Variants in TXK observed in about 807,000 individuals in gnomAD.
TXK encodes tyrosine-protein kinase TXK.
A neutral mutation model predicts 81.0 loss-of-function variants in TXK; 60 were observed. The ratio of observed to expected loss-of-function variants is 0.74; its 90% CI spans 0.60 to 0.92. The LOEUF (loss-of-function observed/expected upper bound fraction) is 0.92, where lower values mean the gene tolerates loss of function less well. Ranked by LOEUF, TXK falls within the 40% of genes least tolerant of loss-of-function variation. The probability of loss-of-function intolerance (pLI) is 0.00; values close to 1 mark genes in which losing one functional copy is unlikely to be tolerated. For missense variants in TXK, 581 were observed against 638.3 expected (o/e 0.91, Z 0.97); for synonymous variants, 203 against 210.7 (o/e 0.96, Z 0.32).
intron 9 of TXK, 81 bp from the exon 10 acceptor site, chr4:48,086,718 C>T: frequency 4.5e-6 from 6 of 1,338,336 alleles, no homozygotes; most frequent in Non-Finnish European, 2.1e-6. Flanking sequence ...TAGGAAGTAT[C>T]TATTATTTGA....
At chr4:48,120,565 A>G (rs1446121353) in intron 1 of TXK, among the ~76,000 whole-genome samples, 2 of 150,584 alleles carry the variant, frequency 1.3e-5, no homozygotes, top group Non-Finnish European at 2.9e-5. Flanking sequence ...ATCTTGGCTC[A>G]CTGCAATCTC....
intron 11 of TXK, among the ~76,000 whole-genome samples, chr4:48,078,253 T>C (rs1278997651): frequency 1.3e-5 from 2 of 152,166 alleles, no homozygotes; most frequent in Admixed American, 6.5e-5. Context: ...TAATTAACTA[T>C]TGGGTGAAGC....
In TXK at chr4:48,086,740, A is replaced by T. The variant is rs879821781; in HGVS notation, c.785-103T>A. 5 of 1,066,948 alleles carry T rather than the reference A, an allele frequency of 4.7e-6. No homozygotes were observed. The Admixed American group carries it at 7.2e-5, about 15-fold the overall frequency. 66.1% of individuals were successfully genotyped at this position (1,066,948 alleles called of 1,614,324 possible). ...TATCTATTATTTGACAGAGAGGTTA[A>T]AAAATGTATAAAGTGGAGAGGATAT... On this transcript the variant is annotated intron_variant, in intron 9 of 14. Transcript: ENST00000264316.
Position 48,067,547 on chromosome 4 carries a change from A to G in TXK, c.*90T>C, listed in dbSNP as rs527644351. Reference sequence around the variant, plus strand: ...AGAGTCAGCAACTCTGAAGAAAGATATTCACCATAAGTGACCCCATATGGT... The same window carrying G: ...AGAGTCAGCAACTCTGAAGAAAGATGTTCACCATAAGTGACCCCATATGGT... On this transcript the variant is annotated 3_prime_UTR_variant, in exon 15 of 15. Transcript: ENST00000264316. The G allele has an allele frequency of 7.7e-7, 1 of 1,300,224 alleles. No homozygotes were observed. The highest frequency in any genetic ancestry group is 1.2e-5 in the South Asian group (1 of 81,966). 80.5% of individuals were successfully genotyped at this position (1,300,224 alleles called of 1,614,324 possible). A position where few individuals can be genotyped will look rare whatever the true frequency, so the allele number is the denominator to read the frequency against.
chr4:48,102,458 A>G (rs955675514), intron 6 of TXK, among the ~76,000 whole-genome samples: 2 of 152,180 alleles, frequency 1.3e-5, no homozygotes, highest in Non-Finnish European at 2.9e-5. Context: ...TTCTCACCCA[A>G]TGAATTGAAA....
rs1280746354 is a variant in TXK at position 48,067,244 on chromosome 4, T to C, written c.*393A>G. 1 of 183,484 alleles carries C rather than the reference T, an allele frequency of 5.5e-6. No individual in the cohort carries two copies. Among genetic ancestry groups the C allele is most frequent in the African/African-American group, 2.4e-5 (1 of 42,236 alleles). The allele number at this position is 183,484 out of a possible 1,614,324, so 11.4% of individuals were successfully genotyped here. ...TGGAAGAATTTATTTTCATATTCTA[T>C]GCATGGATCACTGAAGTGATGAATG... On this transcript the variant is annotated 3_prime_UTR_variant, in exon 15 of 15. Coordinates refer to ENST00000264316, the MANE Select transcript of TXK (RefSeq NM_003328.3).
At chr4:48,118,565 A>G (rs1718873673) in intron 1 of TXK, among the ~76,000 whole-genome samples, 1 of 152,224 alleles carries the variant, frequency 6.6e-6, no homozygotes, top group African/African-American at 2.4e-5. Context: ...TGGATCACTT[A>G]ACTATTTGAT....
At chr4:48,113,375 G>A (rs774477647) in intron 2 of TXK, 66 bp from the exon 3 acceptor site, 2 of 1,243,640 alleles carry the variant, frequency 1.6e-6, no homozygotes, top group Non-Finnish European at 2.3e-6. Context: ...ACATCCACTA[G>A]ATTTTCACAG....
chr4:48,077,686 T>G (rs1472800287), intron 11 of TXK, among the ~76,000 whole-genome samples: 2 of 151,888 alleles, frequency 1.3e-5, no homozygotes, highest in Non-Finnish European at 2.9e-5. Context: ...TGCTCATTTC[T>G]CCTAGGTGCT....
intron 10 of TXK, among the ~76,000 whole-genome samples, chr4:48,082,048 T>G (rs1407076318): frequency 1.3e-5 from 2 of 152,152 alleles, no homozygotes; most frequent in Non-Finnish European, 1.5e-5. Context: ...TTTCCAAGAG[T>G]GTATTGATAA....
chr4:48,070,082 T>A (rs1716776750), intron 14 of TXK, among the ~76,000 whole-genome samples: 1 of 152,246 alleles, frequency 6.6e-6, no homozygotes, highest in African/African-American at 2.4e-5. Flanking sequence ...AAATATTCAA[T>A]ATTCTAGTGT....
At chr4:48,104,839 G>T in intron 6 of TXK, 62 bp downstream of exon 6, 2 of 1,309,150 alleles carry the variant, frequency 1.5e-6, no homozygotes, top group Non-Finnish European at 2.1e-6. Flanking sequence ...TTTTTAGTTG[G>T]TTAAAGTCTT....
At chr4:48,109,525 GA>G (rs1718566014) in intron 5 of TXK, 1 of 152,222 alleles carries the variant, frequency 6.6e-6, no homozygotes, top group African/African-American at 2.4e-5. Context: ...GAGGCCAAGT[GA>G]AGGTGGGAAA....
In TXK at chr4:48,104,532, T is replaced by TATATATAATATATAATATTATATATA. The variant is rs1389886529; in HGVS notation, c.501+368_501+369insTATATATAATATTATATATTATATAT. Among the ~76,000 whole-genome samples the TATATATAATATATAATATTATATATA allele has an allele frequency of 9.1e-3, 17 of 1,862 alleles. 5 individuals are homozygous for TATATATAATATATAATATTATATATA. The highest frequency in any genetic ancestry group is 0.013 in the African/African-American group (2 of 154). The allele number at this position is 1,862 out of a possible 152,430, so 1.2% of individuals were successfully genotyped here. On this transcript the variant is annotated intron_variant, in intron 6 of 14. Coordinates refer to ENST00000264316, the MANE Select transcript of TXK (RefSeq NM_003328.3). Reference sequence around the variant, plus strand: ...ATATATAATATATAATATTATATATTATATATATTTTATATATATAATATA... The same window carrying TATATATAATATATAATATTATATATA: ...ATATATAATATATAATATTATATATTATATATAATATATAATATTATATATAATATATATTTTATATATATAATATA...
At chr4:48,075,010 AC>A (rs571117830) in intron 12 of TXK, among the ~76,000 whole-genome samples, 179 of 151,548 alleles carry the variant, frequency 1.2e-3, no homozygotes, top group African/African-American at 2.6e-3. Flanking sequence ...CACTACCACC[AC>A]CCCTATTACC....
At chr4:48,080,617 C>T (rs534044171) in intron 10 of TXK, among the ~76,000 whole-genome samples, 6 of 147,570 alleles carry the variant, frequency 4.1e-5, no homozygotes, top group African/African-American at 1.5e-4. Flanking sequence ...AAGTTGGAAA[C>T]TAAAAAACAT....
At chr4:48,084,295 T>C (rs561884981) in intron 10 of TXK, among the ~76,000 whole-genome samples, 19 of 151,958 alleles carry the variant, frequency 1.3e-4, no homozygotes, top group African/African-American at 4.6e-4. Context: ...GGTTTCGCCA[T>C]GTTACCTAGG....
rs760636292 is a variant in TXK at position 48,112,473 on chromosome 4, G to T, written c.214C>A (p.Leu72Met). 1 of 1,614,174 alleles carries T rather than the reference G, an allele frequency of 6.2e-7. No homozygotes were observed. Among genetic ancestry groups the T allele is most frequent in the Non-Finnish European group, 8.5e-7 (1 of 1,179,998 alleles). The change falls in exon 4 of 15, where the codon CTG (leucine) becomes ATG (methionine). Residue 72 changes from leucine (L) to methionine (M), a missense_variant. Leu to Met is a conservative substitution (Grantham distance 15, BLOSUM62 2). Coordinates refer to ENST00000264316, the MANE Select transcript of TXK (RefSeq NM_003328.3). ...ACCTCAGAGGGTGGGAGGGGAGGCA[G>T]TGGCTTTCGTTTTGACGGCTGCACA... is the stretch of plus-strand genomic sequence containing the variant. ...GRVQPSKRKP[L>M]PPLPPSEVAE...
intron 14 of TXK, among the ~76,000 whole-genome samples, chr4:48,070,688 C>T (rs1042597733): frequency 7.9e-5 from 12 of 151,556 alleles, no homozygotes; most frequent in Non-Finnish European, 1.6e-4. Flanking sequence ...GAGCAATTCT[C>T]CTATCTCCGC....
Sources: gnomAD v4.1 joint callset for allele counts (sites outside exome capture counted in the v4.1 genomes callset) on GRCh38, gnomAD v4.1.1 for gene constraint, MANE v1.5 for transcripts, NCBI Gene and HGNC (gene_info 2026-07-23, HGNC 2026-07-21) for gene names.